Variants in UQCRC2 observed in about 807,000 individuals in gnomAD.
UQCRC2 encodes cytochrome b-c1 complex subunit 2, mitochondrial.
A neutral mutation model predicts 55.6 loss-of-function variants in UQCRC2; 49 were observed. That is an observed-to-expected ratio of 0.88 (90% CI 0.70 to 1.12). UQCRC2 has a LOEUF of 1.12. Ranked by LOEUF, UQCRC2 falls within the 50% of genes most tolerant of loss-of-function variation. UQCRC2 has a pLI of 0.00. For missense variants in UQCRC2, 506 were observed against 547.8 expected, an observed-to-expected ratio of 0.92 and a Z score of 0.76; for synonymous variants, 193 against 192.0, an observed-to-expected ratio of 1.01 and a Z score of -0.04.
Position 21,971,981 on chromosome 16 carries a change from T to G in UQCRC2, c.825T>G (p.Ser275Arg). The change falls in exon 10 of 14, where the codon AGT becomes AGG. Residue 275 changes from serine to arginine, a missense_variant. By Grantham distance (110) the Ser-to-Arg change is moderately radical. Coordinates refer to ENST00000268379, the MANE Select transcript of UQCRC2 (RefSeq NM_003366.4). ...TCCATGCTGCTTTTGTAGCAGAAAG[T>G]GCTGTCGCGGGAAGTGCAGAGGCAA... ...SLVHAAFVAESAVAGSAEANA... is the reference protein window; with the variant it reads ...SLVHAAFVAERAVAGSAEANA... The G allele has an allele frequency of 1.2e-6, 2 of 1,614,174 alleles. No individual in the cohort carries two copies. The highest frequency in any genetic ancestry group is 1.7e-6 in the Non-Finnish European group (2 of 1,180,012).
chr16:21,962,198 T>C, intron 4 of UQCRC2: 2 of 448,102 alleles, frequency 4.5e-6, no homozygotes, highest in South Asian at 3.1e-5. Context: ...ACTGGCTTAT[T>C]ATCCTTAGCA....
At position 21,973,906 on chromosome 16, in the gene UQCRC2, T is replaced by G; in HGVS notation, c.977T>G (p.Phe326Cys). The change falls in exon 11 of 14, where the codon TTT (phenylalanine) becomes TGT (cysteine). Residue 326 changes from phenylalanine (F) to cysteine (C), a missense_variant. Physicochemically the swap from Phe to Cys is radical, Grantham distance 205. Transcript: ENST00000268379. ...CTCATTATCTTTCAGGTTTCTGCAT[T>G]TAATGCCAGTTACTCAGATTCTGGA... ...ATQQPFDVSA[F>C]NASYSDSGLF... The G allele has an allele frequency of 6.2e-7, 1 of 1,613,040 alleles. No individual in the cohort carries two copies. The highest frequency in any genetic ancestry group is 1.1e-5 in the South Asian group (1 of 90,818).
chr16:21,966,835 C>G (rs1678856926), intron 7 of UQCRC2, among the ~76,000 whole-genome samples: 1 of 152,102 alleles, frequency 6.6e-6, no homozygotes, highest in African/African-American at 2.4e-5. Context: ...TATTGTAATA[C>G]TAGTTTATAA....
At chr16:21,974,993 C>T (rs548004876) in intron 11 of UQCRC2, among the ~76,000 whole-genome samples, 6 of 152,276 alleles carry the variant, frequency 3.9e-5, no homozygotes, top group South Asian at 2.1e-4. Flanking sequence ...AGTGGGTATT[C>T]GCTGTAGTGT....
At chr16:21,953,497 G>T (rs753550450) in intron 1 of UQCRC2, 41 bp downstream of exon 1, 37 of 1,607,334 alleles carry the variant, frequency 2.3e-5, no homozygotes, top group Non-Finnish European at 3.0e-5. Flanking sequence ...CTGGGGAGCA[G>T]TGTGTCGACA....
rs139076969 is a variant in UQCRC2, at chr16:21,958,703, A to G, written c.332+104A>G. 2.9e-4 allele frequency: 283 copies of G among 976,902 alleles called. 2 individuals carry two copies. In the East Asian group the frequency reaches 7.1e-3, roughly 25 times the overall value. 60.5% of individuals were successfully genotyped at this position (976,902 alleles called of 1,614,324 possible). On this transcript the variant is annotated intron_variant, in intron 4 of 13. Coordinates refer to ENST00000268379, the MANE Select transcript of UQCRC2 (RefSeq NM_003366.4). Reference sequence around the variant, plus strand: ...GGAGGTTGAGGATTTCTTAAGCAACATAAGAAGGAAAAGACTGATGAATTT... The same window carrying G: ...GGAGGTTGAGGATTTCTTAAGCAACGTAAGAAGGAAAAGACTGATGAATTT...
Position 21,972,073 on chromosome 16 carries a change from C to G in UQCRC2, c.917C>G (p.Thr306Ser), listed in dbSNP as rs1898477373. 6.2e-7 allele frequency: 1 copy of G among 1,613,928 alleles called. No homozygotes were observed. Among genetic ancestry groups the G allele is most frequent in the Non-Finnish European group, 8.5e-7 (1 of 1,179,994 alleles). Reference sequence around the variant, plus strand: ...CATGTCAAGAGGGGCAGCAACACCACCAGCCATCTGCACCAGGCTGTTGCC... The same window carrying G: ...CATGTCAAGAGGGGCAGCAACACCAGCAGCCATCTGCACCAGGCTGTTGCC... Reference protein sequence around the residue: ...GPHVKRGSNTTSHLHQAVAKA... With the variant: ...GPHVKRGSNTSSHLHQAVAKA... Residue 306 changes from threonine (T) to serine (S), a missense_variant, in exon 10 of 14, where the codon ACC becomes AGC. Physicochemically the swap from Thr to Ser is moderately conservative, Grantham distance 58. Transcript: ENST00000268379.
In UQCRC2 at chr16:21,963,106, A is replaced by G. The variant is rs1217770907; in HGVS notation, c.514+221A>G. On this transcript the variant is annotated intron_variant, in intron 6 of 13. Transcript: ENST00000268379. ...CGGGTTCAAGCAATTCTCCTGCCTC[A>G]GCCTCCTGAGCAGCTGGAATTATAG... 7.9e-5 allele frequency: 30 copies of G among 377,954 alleles called. No homozygotes were observed. The South Asian group carries it at 8.2e-4, about 10-fold the overall frequency. The allele number at this position is 377,954 out of a possible 1,614,324, so 23.4% of individuals were successfully genotyped here. A position where few individuals can be genotyped will look rare whatever the true frequency, so the allele number is the denominator to read the frequency against.
chr16:21,977,852 A>C (rs1428660784), intron 12 of UQCRC2, among the ~76,000 whole-genome samples: 1 of 152,216 alleles, frequency 6.6e-6, no homozygotes, highest in African/African-American at 2.4e-5. Flanking sequence ...TGTTATGCTG[A>C]GCACACTACA....
At chr16:21,971,830 T>A in intron 9 of UQCRC2, 93 bp from the exon 10 acceptor site, 2 of 1,555,626 alleles carry the variant, frequency 1.3e-6, no homozygotes, top group Non-Finnish European at 1.8e-6. Flanking sequence ...AAAAGACTCG[T>A]GGGTTAATAC....
intron 13 of UQCRC2, 137 bp from the exon 14 acceptor site, chr16:21,982,951 G>A (rs570000799): frequency 5.2e-6 from 4 of 763,390 alleles, no homozygotes; most frequent in Admixed American, 3.0e-5. Context: ...GTGACAGAGC[G>A]AGACTCCACC....
chr16:21,963,854 C>G (rs1898261490), intron 6 of UQCRC2, among the ~76,000 whole-genome samples: 1 of 152,112 alleles, frequency 6.6e-6, no homozygotes, highest in Admixed American at 6.5e-5. Flanking sequence ...TATTGTATTG[C>G]TATTATTGTT....
At position 21,979,324 on chromosome 16, in the gene UQCRC2, A is replaced by G. The variant is rs116214382; in HGVS notation, c.1125-1223A>G. On this transcript the variant is annotated intron_variant, in intron 12 of 13. Transcript: ENST00000268379. Reference sequence around the variant, plus strand: ...AATTTTTCAACTTGACTATGGAGGAAAACCATCGCAATTTCAGCTTCCAGT... The same window carrying G: ...AATTTTTCAACTTGACTATGGAGGAGAACCATCGCAATTTCAGCTTCCAGT... Among the ~76,000 whole-genome samples the G allele has an allele frequency of 5.2e-3, 786 of 152,316 alleles. 12 individuals are homozygous for G. The highest frequency in any genetic ancestry group is 0.018 in the African/African-American group (735 of 41,570).
At chr16:21,967,978 A>G (rs1281670470) in intron 7 of UQCRC2, among the ~76,000 whole-genome samples, 4 of 149,222 alleles carry the variant, frequency 2.7e-5, no homozygotes, top group African/African-American at 9.8e-5. Flanking sequence ...AGGCCAGTGT[A>G]TGCTCTAATT....
Position 21,958,540 on chromosome 16 carries a change from A to C in UQCRC2, c.273A>C (p.Thr91=). 1.2e-6 allele frequency: 2 copies of C among 1,612,244 alleles called. No individual in the cohort carries two copies. The change falls in exon 4 of 14, where the codon ACA becomes ACC. Residue 91 remains threonine, a synonymous_variant. Coordinates refer to ENST00000268379, the MANE Select transcript of UQCRC2 (RefSeq NM_003366.4). The stretch of plus-strand genomic sequence containing the variant: ...ATCATTCTTTCTTTTTCAAGACGAC[A>C]AAAGGAGCTTCATCTTTCAAGATAA... ...HLLRLTSSLT[T]KGASSFKITR... is the part of the protein sequence containing the mutation.
chr16:21,957,439 T>A lies in UQCRC2; in HGVS notation c.140T>A (p.Leu47Ter). 6.2e-7 allele frequency: 1 copy of A among 1,614,136 alleles called. No individual in the cohort carries two copies. Among genetic ancestry groups the A allele is most frequent in the Non-Finnish European group, 8.5e-7 (1 of 1,180,022 alleles). Residue 47 changes from leucine (L) to a stop codon, truncating the protein, a stop_gained, in exon 3 of 14, where the codon TTG becomes TAG. Coordinates refer to ENST00000268379, the MANE Select transcript of UQCRC2 (RefSeq NM_003366.4). LOFTEE classifies it high-confidence loss of function. ...CAGTTTACCAAGTTACCAAATGGCTTGGTGATTGCTTCTTTGGAAAACTAT... is the reference window on the plus strand; with the variant it reads ...CAGTTTACCAAGTTACCAAATGGCTAGGTGATTGCTTCTTTGGAAAACTAT... The part of the protein sequence containing the change: ...DLEFTKLPNG[L>*]VIASLENYSP...
chr16:21,975,647 T>C (rs1898565716), intron 11 of UQCRC2, among the ~76,000 whole-genome samples: 2 of 152,222 alleles, frequency 1.3e-5, no homozygotes, highest in Admixed American at 1.3e-4. Flanking sequence ...TGACCCTGGC[T>C]TACAAAGTAT....
intron 12 of UQCRC2, among the ~76,000 whole-genome samples, chr16:21,977,967 CATG>C (rs1170826429): frequency 6.6e-6 from 1 of 152,108 alleles, no homozygotes; most frequent in Non-Finnish European, 1.5e-5. Context: ...AGAAACAAAA[CATG>C]ATGAGAATAC....
chr16:21,968,687 T>G lies in UQCRC2; in HGVS notation c.670+2T>G. The G allele has an allele frequency of 6.2e-7, 1 of 1,608,816 alleles. No homozygotes were observed. The highest frequency in any genetic ancestry group is 8.5e-7 in the Non-Finnish European group (1 of 1,177,348). On this transcript the variant is annotated splice_donor_variant, in intron 8 of 13. Transcript: ENST00000268379. LOFTEE classifies it high-confidence loss of function. ...CAAGAATGGCTTTGATTGGACTTGG[T>G]AAGTTTAGAGTATTGCCTGCCTGTC...
Sources: allele counts gnomAD v4.1 joint callset (sites outside exome capture counted in the v4.1 genomes callset), GRCh38; gene constraint gnomAD v4.1.1; transcripts MANE v1.5; gene names NCBI Gene and HGNC (gene_info 2026-07-23, HGNC 2026-07-21).